XKR4: variants seen among roughly 807,000 people sequenced by gnomAD.
XKR4 encodes the protein XK related 4.
Under a neutral mutation model 53.9 loss-of-function variants are expected in XKR4, and 12 were observed. The observed-to-expected ratio is 0.22, with a 90% confidence interval of 0.14 to 0.36. The LOEUF is 0.36. Ranked by LOEUF, XKR4 falls within the 10% of genes least tolerant of loss-of-function variation. The pLI, the probability that XKR4 is intolerant of heterozygous loss-of-function variation, is 1.00. For synonymous variants in XKR4, 354 were observed against 362.4 expected (o/e 0.98, Z 0.26); for missense variants, 799 against 859.5 (o/e 0.93, Z 0.88).
intron 2 of XKR4, among the ~76,000 whole-genome samples, chr8:55,516,555 AG>A (rs1286842118): frequency 6.6e-6 from 1 of 152,238 alleles, no homozygotes; most frequent in Non-Finnish European, 1.5e-5. Flanking sequence ...TTGGGAAGAC[AG>A]GGAAATGATA....
At chr8:55,275,856 A>G (rs1307790982) in intron 1 of XKR4, among the ~76,000 whole-genome samples, 2 of 152,156 alleles carry the variant, frequency 1.3e-5, no homozygotes, top group Admixed American at 6.5e-5. Flanking sequence ...TCCCCTCAGA[A>G]CACCTTGTCC....
chr8:55,346,863 C>T (rs1159863939), intron 1 of XKR4, among the ~76,000 whole-genome samples: 1 of 152,076 alleles, frequency 6.6e-6, no homozygotes, highest in East Asian at 1.9e-4. Flanking sequence ...CAACTGATAA[C>T]AGCCAAACTG....
chr8:55,452,890 C>T lies in XKR4; in HGVS notation c.1007-70391C>T, dbSNP rs551840183. Reference sequence around the variant, plus strand: ...TCCAGAGGCAGCAGGAGGTAGCTCACGCAGTTGGTATAGTGGATGGCCTGG... The same window carrying T: ...TCCAGAGGCAGCAGGAGGTAGCTCATGCAGTTGGTATAGTGGATGGCCTGG... On this transcript the variant is annotated intron_variant, in intron 2 of 2. Transcript: ENST00000327381. 179 of 787,146 alleles carry T rather than the reference C, an allele frequency of 2.3e-4. 4 individuals are homozygous for T. The highest frequency in any genetic ancestry group is 1.6e-3 in the Middle Eastern group (7 of 4,366). 48.8% of individuals were successfully genotyped at this position (787,146 alleles called of 1,614,324 possible).
intron 2 of XKR4, among the ~76,000 whole-genome samples, chr8:55,407,289 G>A (rs879412423): frequency 8.5e-5 from 13 of 152,194 alleles, no homozygotes; most frequent in African/African-American, 1.7e-4. Flanking sequence ...GAACATGTCG[G>A]GTGTGAAGCG....
intron 2 of XKR4, among the ~76,000 whole-genome samples, chr8:55,377,714 T>C (rs2658890): frequency 0.077 from 11,786 of 152,270 alleles, 551 homozygotes; most frequent in Non-Finnish European, 0.1. Flanking sequence ...TTTGCCTGCA[T>C]GTCGTGAGGC....
At chr8:55,163,016 C>T (rs1462733808) in intron 1 of XKR4, among the ~76,000 whole-genome samples, 1 of 151,992 alleles carries the variant, frequency 6.6e-6, no homozygotes, top group Non-Finnish European at 1.5e-5. Context: ...TTAATGTCAC[C>T]ATGCAGAGAA....
intron 1 of XKR4, among the ~76,000 whole-genome samples, chr8:55,319,825 T>C (rs976061437): frequency 6.6e-6 from 1 of 152,248 alleles, no homozygotes; most frequent in Non-Finnish European, 1.5e-5. Flanking sequence ...AAATAATTTT[T>C]CCTTGTTTTC....
At chr8:55,421,340 G>A (rs1450781228) in intron 2 of XKR4, among the ~76,000 whole-genome samples, 1 of 152,240 alleles carries the variant, frequency 6.6e-6, no homozygotes, top group Non-Finnish European at 1.5e-5. Context: ...TGAAGTTTAA[G>A]TCCAGGGATC....
chr8:55,105,716 C>T (rs1816134572), intron 1 of XKR4, among the ~76,000 whole-genome samples: 1 of 152,072 alleles, frequency 6.6e-6, no homozygotes, highest in Admixed American at 6.5e-5. Flanking sequence ...CTGGTGAAAG[C>T]GTGATCTAAG....
intron 1 of XKR4, among the ~76,000 whole-genome samples, chr8:55,231,227 A>G (rs1400281640): frequency 2.0e-5 from 3 of 152,232 alleles, no homozygotes; most frequent in Non-Finnish European, 4.4e-5. Flanking sequence ...AGCATTTATC[A>G]TCTGAATATG....
At position 55,523,282 on chromosome 8, in the gene XKR4, T is replaced by C. The variant is rs368185066; in HGVS notation, c.1008T>C (p.Gly336=). Residue 336 remains glycine (G), a splice_region_variant and synonymous_variant, in exon 3 of 3, where the codon GGT becomes GGC. Transcript: ENST00000327381. ...CTGTCTTCCTGTTTGCCTTTGTAGGTTTCACAGCGGCAGCTTCCCTCGTGT... is the reference window on the plus strand; with the variant it reads ...CTGTCTTCCTGTTTGCCTTTGTAGGCTTCACAGCGGCAGCTTCCCTCGTGT... ...VQTHSLQALQ[G]FTAAASLVSL... is the part of the protein sequence containing the mutation. The C allele has an allele frequency of 5.6e-6, 9 of 1,594,626 alleles. No homozygotes were observed. The African/African-American group carries it at 6.7e-5, about 12-fold the overall frequency.
intron 2 of XKR4, among the ~76,000 whole-genome samples, chr8:55,512,109 C>T (rs1240136656): frequency 2.0e-5 from 3 of 152,194 alleles, no homozygotes; most frequent in Admixed American, 1.3e-4. Context: ...AGTCAAGTGA[C>T]TCACCCAGAG....
At chr8:55,521,959 G>T (rs1452367896) in intron 2 of XKR4, among the ~76,000 whole-genome samples, 1 of 152,196 alleles carries the variant, frequency 6.6e-6, no homozygotes, top group Non-Finnish European at 1.5e-5. Flanking sequence ...ATTTGGTGAA[G>T]AAAAAGCCAG....
intron 2 of XKR4, among the ~76,000 whole-genome samples, chr8:55,502,721 TG>T (rs1757967644): frequency 1.3e-5 from 2 of 152,212 alleles, no homozygotes; most frequent in Admixed American, 1.3e-4. Flanking sequence ...ATTTACATTT[TG>T]ATGAAGTCCA....
At chr8:55,383,055 A>G (rs1273091385) in intron 2 of XKR4, among the ~76,000 whole-genome samples, 1 of 152,154 alleles carries the variant, frequency 6.6e-6, no homozygotes, top group Non-Finnish European at 1.5e-5. Context: ...TCTACTAAAA[A>G]TACAAAAATT....
At chr8:55,380,522 A>G (rs551823763) in intron 2 of XKR4, among the ~76,000 whole-genome samples, 1 of 152,398 alleles carries the variant, frequency 6.6e-6, no homozygotes, top group Admixed American at 6.5e-5. Flanking sequence ...TTGAGACAAC[A>G]ACAAGAACAT....
chr8:55,109,136 G>A (rs146636404), intron 1 of XKR4, among the ~76,000 whole-genome samples: 262 of 152,222 alleles, frequency 1.7e-3, no homozygotes, highest in African/African-American at 5.8e-3. Context: ...TTTAGTAGTC[G>A]AAGATATTTG....
chr8:55,117,964 G>A (rs555279415), intron 1 of XKR4, among the ~76,000 whole-genome samples: 38 of 152,260 alleles, frequency 2.5e-4, no homozygotes, highest in African/African-American at 8.7e-4. Flanking sequence ...TAAAATGTTG[G>A]GTGGGAGTGA....
intron 2 of XKR4, among the ~76,000 whole-genome samples, chr8:55,440,274 G>C (rs369997922): frequency 6.6e-6 from 1 of 152,120 alleles, no homozygotes; most frequent in East Asian, 1.9e-4. Context: ...AAAAAAGGTA[G>C]AAGATGCAAG....
Sources: gnomAD v4.1 joint callset for allele counts (sites outside exome capture counted in the v4.1 genomes callset) on GRCh38, gnomAD v4.1.1 for gene constraint, MANE v1.5 for transcripts, NCBI Gene and HGNC (gene_info 2026-07-23, HGNC 2026-07-21) for gene names.